ZNF638: variants seen among roughly 807,000 people sequenced by gnomAD.
The protein encoded by ZNF638 is zinc finger protein 638.
ZNF638 carries 46 observed loss-of-function variants against 195.6 expected under a neutral mutation model. The ratio of observed to expected loss-of-function variants is 0.24; its 90% CI spans 0.19 to 0.30. The LOEUF is 0.30. Ranked by LOEUF, ZNF638 falls within the 10% of genes least tolerant of loss-of-function variation. The pLI is 1.00. For synonymous variants in ZNF638, 845 were observed against 772.0 expected (o/e 1.09, Z -1.57); for missense variants, 2,440 against 2,325.3 (o/e 1.05, Z -1.01).
At chr2:71,378,128 T>TA (rs1280182785) in intron 8 of ZNF638, among the ~76,000 whole-genome samples, 4 of 152,202 alleles carry the variant, frequency 2.6e-5, no homozygotes, top group African/African-American at 4.8e-5. Context: ...CAGTTAAACA[T>TA]AGACTAAAAT....
intron 20 of ZNF638, chr2:71,408,730 CA>C (rs1235452651): frequency 2.2e-6 from 1 of 454,774 alleles, no homozygotes; most frequent in Admixed American, 2.7e-5. Context: ...GCATTAAATT[CA>C]AACTCAATCT....
At chr2:71,430,893 A>G (rs1274120637) in intron 25 of ZNF638, 3 of 152,510 alleles carry the variant, frequency 2.0e-5, no homozygotes, top group Non-Finnish European at 4.4e-5. Flanking sequence ...TGTGTTTCTA[A>G]CAGGGGTCTT....
At chr2:71,431,078 C>T (rs1417076809) in intron 25 of ZNF638, 2 of 338,204 alleles carry the variant, frequency 5.9e-6, no homozygotes, top group African/African-American at 2.1e-5. Context: ...TCGTTAAATT[C>T]TGCCTGGAAC....
At chr2:71,430,969 T>A (rs1162483036) in intron 25 of ZNF638, 2 of 163,038 alleles carry the variant, frequency 1.2e-5, no homozygotes, top group Non-Finnish European at 2.7e-5. Flanking sequence ...TAGAATCAAT[T>A]TCTGCTGGTA....
At chr2:71,340,626 T>C (rs1337806609) in intron 1 of ZNF638, among the ~76,000 whole-genome samples, 2 of 152,246 alleles carry the variant, frequency 1.3e-5, no homozygotes, top group African/African-American at 2.4e-5. Flanking sequence ...GTTTTCCCTT[T>C]GTGGGAAGAT....
rs373656544 is a variant in ZNF638 at position 71,397,965 on chromosome 2, C to T, written c.2429-736C>T. Among the ~76,000 whole-genome samples, 6 of 152,164 alleles carry T rather than the reference C, an allele frequency of 3.9e-5. No individual in the cohort carries two copies. In the South Asian group the frequency reaches 8.3e-4, roughly 21 times the overall value. On this transcript the variant is annotated intron_variant, in intron 11 of 27. Transcript: ENST00000264447. Reference sequence around the variant, plus strand: ...TGATATAAGTATTCTTGAATGCTTTCTAATCAATTAGGAGCCGTGGAAGTG... The same window carrying T: ...TGATATAAGTATTCTTGAATGCTTTTTAATCAATTAGGAGCCGTGGAAGTG...
chr2:71,345,361 T>C (rs902897774), intron 1 of ZNF638, among the ~76,000 whole-genome samples: 3 of 152,152 alleles, frequency 2.0e-5, no homozygotes, highest in Non-Finnish European at 4.4e-5. Context: ...ATTGAAGATA[T>C]GTTATTTGGC....
chr2:71,412,162 G>T (rs2080242554), intron 20 of ZNF638, among the ~76,000 whole-genome samples: 1 of 53,460 alleles, frequency 1.9e-5, no homozygotes, highest in Non-Finnish European at 3.3e-5. Context: ...TTTAATGATT[G>T]CCATTCTAAC....
intron 20 of ZNF638, among the ~76,000 whole-genome samples, chr2:71,417,592 T>C (rs2080327087): frequency 6.6e-6 from 1 of 152,204 alleles, no homozygotes; most frequent in Admixed American, 6.5e-5. Flanking sequence ...CCGTTATTCC[T>C]TTATGAATAA....
Position 71,408,143 on chromosome 2 carries a change from C to G in ZNF638, c.3157C>G (p.Pro1053Ala). The G allele has an allele frequency of 5.6e-6, 9 of 1,612,050 alleles. No individual in the cohort carries two copies. The highest frequency in any genetic ancestry group is 7.6e-6 in the Non-Finnish European group (9 of 1,179,150). ...RNKAILQLDS[P>A]ESAQSMYSFL... ...AAAGGCAATTCTTCAGTTAGATAGT[C>G]CTGAATCTGCTCAGTCAATGTATAG... The change falls in exon 20 of 28, where the codon CCT becomes GCT. Residue 1053 changes from proline to alanine, a missense_variant. This residue lies in a region of ZNF638 where 1,883 missense variants were observed against 1,739.1 expected (regional missense o/e 1.08). Coordinates refer to ENST00000264447, the MANE Select transcript of ZNF638 (RefSeq NM_014497.5).
chr2:71,396,345 AATG>A (rs2079893536), intron 11 of ZNF638, among the ~76,000 whole-genome samples, 154 bp downstream of exon 11: 1 of 152,212 alleles, frequency 6.6e-6, no homozygotes, highest in Admixed American at 6.5e-5. Context: ...AATTTTGAGA[AATG>A]ATATGTACTA....
At chr2:71,361,291 G>T (rs1034093101) in intron 3 of ZNF638, among the ~76,000 whole-genome samples, 3 of 152,192 alleles carry the variant, frequency 2.0e-5, no homozygotes, top group African/African-American at 7.2e-5. Flanking sequence ...TCAAGCTCTT[G>T]TGAACCATAA....
chr2:71,427,596 A>G (rs1264014694), intron 24 of ZNF638, among the ~76,000 whole-genome samples, 182 bp downstream of exon 24: 1 of 152,254 alleles, frequency 6.6e-6, no homozygotes, highest in Admixed American at 6.5e-5. Flanking sequence ...CAGTTTTTTA[A>G]AGTTTTACAG....
chr2:71,394,382 T>C (rs2079850602), intron 10 of ZNF638, among the ~76,000 whole-genome samples: 1 of 152,174 alleles, frequency 6.6e-6, no homozygotes, highest in Non-Finnish European at 1.5e-5. Context: ...GTAACAATTA[T>C]ACTATGACCT....
intron 17 of ZNF638, 145 bp downstream of exon 17, chr2:71,404,143 A>G: frequency 1.4e-6 from 1 of 721,630 alleles, no homozygotes; most frequent in Non-Finnish European, 2.3e-6. Context: ...TCCAACAATC[A>G]CCCAGTCACC....
In ZNF638 at chr2:71,421,660, C is replaced by G. The variant is rs556473789; in HGVS notation, c.3300-1154C>G. Among the ~76,000 whole-genome samples the G allele has an allele frequency of 2.0e-5, 3 of 152,292 alleles. 1 individual carries two copies. The South Asian group carries it at 6.2e-4, about 32-fold the overall frequency. On this transcript the variant is annotated intron_variant, in intron 21 of 27. Transcript: ENST00000264447. ...CTAAGAAGCAGGTCAAAAGGGATGGCTCATCCTCTCCTTCCTTAAAAAATA... is the reference window on the plus strand; with the variant it reads ...CTAAGAAGCAGGTCAAAAGGGATGGGTCATCCTCTCCTTCCTTAAAAAATA...
chr2:71,433,300 T>G lies in ZNF638; in HGVS notation c.5871+17T>G, dbSNP rs779122098. ...AATACTGAGGTAATTTTAAAAATTC[T>G]TACAAAATCTTGAGGTGTTGTTATT... On this transcript the variant is annotated intron_variant, in intron 27 of 27. Transcript: ENST00000264447. 2.6e-6 allele frequency: 4 copies of G among 1,550,560 alleles called. No homozygotes were observed. In the South Asian group the frequency reaches 3.4e-5, roughly 13 times the overall value.
At chr2:71,348,458 T>C in intron 1 of ZNF638, 1 of 1,018,694 alleles carries the variant, frequency 9.8e-7, no homozygotes, top group Non-Finnish European at 1.2e-6. Flanking sequence ...CCCAGTATTT[T>C]TCAAGATTAT....
chr2:71,351,078 T>A (rs1314477710), intron 2 of ZNF638, among the ~76,000 whole-genome samples: 1 of 152,216 alleles, frequency 6.6e-6, no homozygotes, highest in Non-Finnish European at 1.5e-5. Flanking sequence ...GCAATCACTG[T>A]TTCTTCTATT....
Sources: allele counts gnomAD v4.1 joint callset (sites outside exome capture counted in the v4.1 genomes callset), GRCh38; gene constraint gnomAD v4.1.1; regional missense constraint gnomAD v4.1.1; transcripts MANE v1.5; gene names NCBI Gene and HGNC (gene_info 2026-07-23, HGNC 2026-07-21).